The following ATOSA variants were observed in gnomAD, a reference collection of about 807,000 sequenced individuals.
ATOSA encodes the protein atos homolog A, also known as atos homolog protein A.
the ATOSA span, among the ~76,000 whole-genome samples, chr15:52,604,905 A>T: frequency 2.6e-5 from 4 of 152,182 alleles, no homozygotes; most frequent in African/African-American, 9.6e-5. Flanking sequence ...TTGAGGCAAA[A>T]GAATTTCAGA....
At chr15:52,644,224 A>C in the ATOSA span, among the ~76,000 whole-genome samples, 1 of 152,110 alleles carries the variant, frequency 6.6e-6, no homozygotes. Flanking sequence ...CGCCTGGCCT[A>C]CATTTTCTAA....
At chr15:52,586,209 G>T in the ATOSA span, 1 of 152,018 alleles carries the variant, frequency 6.6e-6, no homozygotes, top group African/African-American at 2.4e-5. Context: ...TATTCTTGTG[G>T]TAATTCCTCC....
the ATOSA span, among the ~76,000 whole-genome samples, chr15:52,583,160 G>C: frequency 6.6e-6 from 1 of 152,104 alleles, no homozygotes; most frequent in Non-Finnish European, 1.5e-5. Flanking sequence ...ACATTCTTTG[G>C]GAAGTGTACA....
the ATOSA span, chr15:52,610,037 C>T: frequency 6.2e-7 from 1 of 1,613,812 alleles, no homozygotes; most frequent in African/African-American, 1.3e-5. Flanking sequence ...TTGACAGCTG[C>T]AGTATATTCT....
At chr15:52,623,705 C>G in the ATOSA span, among the ~76,000 whole-genome samples, 7 of 152,022 alleles carry the variant, frequency 4.6e-5, no homozygotes, top group African/African-American at 1.5e-4. Flanking sequence ...CATTGGTGAC[C>G]TTGAAAATAG....
the ATOSA span, among the ~76,000 whole-genome samples, chr15:52,596,826 A>G: frequency 1.3e-5 from 2 of 152,258 alleles, no homozygotes; most frequent in Non-Finnish European, 2.9e-5. Flanking sequence ...AGAAAATTCG[A>G]CATCAAAAAA....
At chr15:52,663,336 G>A in the ATOSA span, among the ~76,000 whole-genome samples, 4 of 152,174 alleles carry the variant, frequency 2.6e-5, no homozygotes, top group East Asian at 7.7e-4. Context: ...ACCTTTGATA[G>A]TAAACATTAC....
chr15:52,686,689 T>G, the ATOSA span, among the ~76,000 whole-genome samples: 1 of 152,234 alleles, frequency 6.6e-6, no homozygotes, highest in Admixed American at 6.5e-5. Context: ...CTTTATTTGC[T>G]GACTGTATAT....
chr15:52,691,755 A>C, the ATOSA span, among the ~76,000 whole-genome samples: 3 of 152,070 alleles, frequency 2.0e-5, no homozygotes, highest in East Asian at 5.8e-4. Context: ...GGATCACTTG[A>C]GCCCGGGGGG....
the ATOSA span, chr15:52,613,825 C>T: frequency 6.2e-7 from 1 of 1,613,810 alleles, no homozygotes; most frequent in African/African-American, 1.3e-5. Context: ...AAGAACTCCT[C>T]TGCATCATAT....
the ATOSA span, among the ~76,000 whole-genome samples, chr15:52,705,971 C>T: frequency 0.72 from 109,743 of 152,052 alleles, 39,956 homozygotes; most frequent in East Asian, 0.93. Context: ...AATTTATTTA[C>T]CTACTCTCTG....
At chr15:52,700,700 T>A in the ATOSA span, among the ~76,000 whole-genome samples, 1 of 152,218 alleles carries the variant, frequency 6.6e-6, no homozygotes, top group Admixed American at 6.5e-5. Flanking sequence ...TTAAGCAGTA[T>A]GTTATTATTG....
the ATOSA span, chr15:52,610,111 C>T: frequency 1.9e-6 from 3 of 1,614,046 alleles, no homozygotes; most frequent in East Asian, 2.2e-5. Context: ...TTGTTTGCTA[C>T]ACAGACGCTG....
chr15:52,609,686 G>A, the ATOSA span: 10 of 1,613,538 alleles, frequency 6.2e-6, no homozygotes, highest in East Asian at 4.5e-5. Flanking sequence ...TGTGAAACCC[G>A]GAAAAGTTTT....
the ATOSA span, among the ~76,000 whole-genome samples, chr15:52,583,017 G>T: frequency 6.6e-6 from 1 of 152,080 alleles, no homozygotes; most frequent in South Asian, 2.1e-4. Flanking sequence ...ATACTCTCTG[G>T]GTTTGTGGAT....
At chr15:52,635,853 G>A in the ATOSA span, among the ~76,000 whole-genome samples, 21 of 151,074 alleles carry the variant, frequency 1.4e-4, no homozygotes, top group Admixed American at 3.3e-4. Flanking sequence ...AAAATTAGCT[G>A]GGTGCGGTGG....
At chr15:52,678,101 C>T in the ATOSA span, 3 of 1,530,740 alleles carry the variant, frequency 2.0e-6, no homozygotes, top group Admixed American at 5.0e-5. Context: ...GATTCTACGG[C>T]TTCTGCTTCG....
At chr15:52,636,065 A>C in the ATOSA span, among the ~76,000 whole-genome samples, 2 of 147,308 alleles carry the variant, frequency 1.4e-5, no homozygotes, top group Non-Finnish European at 3.0e-5. Context: ...TATTAAATTA[A>C]ATTAAAATAT....
chr15:52,696,213 C>G, the ATOSA span, among the ~76,000 whole-genome samples: 70 of 152,228 alleles, frequency 4.6e-4, no homozygotes, highest in African/African-American at 1.6e-3. Context: ...GTCTGCCATC[C>G]TCTGTCTTAC....
Sources: gnomAD v4.1 joint callset for allele counts (sites outside exome capture counted in the v4.1 genomes callset) on GRCh38, gnomAD v4.1.1 for gene constraint, MANE v1.5 for transcripts, NCBI Gene and HGNC (gene_info 2026-07-23, HGNC 2026-07-21) for gene names.